The following LSM11 variants were observed in gnomAD, a reference collection of about 807,000 sequenced individuals.
The protein encoded by LSM11 is LSM11, U7 small nuclear RNA associated.
Under a neutral mutation model 28.1 loss-of-function variants are expected in LSM11, and 14 were observed. The ratio of observed to expected loss-of-function variants is 0.50; its 90% CI spans 0.33 to 0.78. The LOEUF is 0.78. LSM11 is among the 30% of genes least tolerant of loss of function. The pLI is 0.02. For missense variants in LSM11, 495 were observed against 510.6 expected, an observed-to-expected ratio of 0.97 and a Z score of 0.30; for synonymous variants, 207 against 214.2, an observed-to-expected ratio of 0.97 and a Z score of 0.30.
intron 1 of LSM11, among the ~76,000 whole-genome samples, chr5:157,749,594 A>G (rs1222590697): frequency 1.4e-5 from 2 of 138,314 alleles, no homozygotes; most frequent in African/African-American, 2.7e-5. Context: ...GCGCGCACAC[A>G]CACACACACA....
chr5:157,752,218 G>C (rs1424680861), intron 2 of LSM11, among the ~76,000 whole-genome samples: 11 of 149,898 alleles, frequency 7.3e-5, no homozygotes, highest in African/African-American at 2.7e-4. Context: ...CTGGAGTGCA[G>C]TGGCACAATC....
chr5:157,750,759 T>C (rs1410593285), intron 1 of LSM11, among the ~76,000 whole-genome samples: 1 of 152,198 alleles, frequency 6.6e-6, no homozygotes, highest in Non-Finnish European at 1.5e-5. Context: ...TGTTAATGTA[T>C]ACATTTAATG....
At chr5:157,752,535 CTA>C (rs1242194010) in intron 2 of LSM11, among the ~76,000 whole-genome samples, 2 of 151,848 alleles carry the variant, frequency 1.3e-5, no homozygotes, top group Non-Finnish European at 2.9e-5. Context: ...AATAGCACAA[CTA>C]TAATTTGAGG....
In LSM11 at chr5:157,744,152, G is replaced by A. The variant is rs1060459; in HGVS notation, c.402G>A (p.Pro134=). 4.2e-6 allele frequency: 6 copies of A among 1,435,772 alleles called. No homozygotes were observed. In the East Asian group the frequency reaches 1.5e-4, roughly 35 times the overall value. The allele number at this position is 1,435,772 out of a possible 1,614,324, so 88.9% of individuals were successfully genotyped here. Residue 134 remains proline (P), a synonymous_variant, in exon 1 of 4, where the codon CCG becomes CCA. Coordinates refer to ENST00000286307, the MANE Select transcript of LSM11 (RefSeq NM_173491.4). ...DGAAGAGRRG[P]GRSRKAPRNV... is the part of the protein sequence containing the mutation. ...CCGCAGGAGCGGGCCGGAGGGGTCC[G>A]GGTCGGAGCAGGAAGGCGCCACGCA...
intron 2 of LSM11, among the ~76,000 whole-genome samples, chr5:157,753,715 C>T (rs1404296966): frequency 6.6e-6 from 1 of 152,166 alleles, no homozygotes; most frequent in Non-Finnish European, 1.5e-5. Flanking sequence ...TTTTAATAAA[C>T]CTCCTAGATA....
Position 157,744,118 on chromosome 5 carries a change from G to A in LSM11, c.368G>A (p.Gly123Glu). The part of the protein sequence containing the change: ...LRRLMVAKEE[G>E]DGAAGAGRRG... ...CGTCTCATGGTGGCCAAAGAGGAAG[G>A]GGACGGGGCCGCAGGAGCGGGCCGG... Residue 123 changes from glycine (G) to glutamate (E), a missense_variant, in exon 1 of 4, where the codon GGG becomes GAG. Gly to Glu is a moderately conservative substitution (Grantham distance 98, BLOSUM62 -2). Coordinates refer to ENST00000286307, the MANE Select transcript of LSM11 (RefSeq NM_173491.4). The A allele has an allele frequency of 6.7e-7, 1 of 1,483,396 alleles. No homozygotes were observed. The highest frequency in any genetic ancestry group is 8.9e-7 in the Non-Finnish European group (1 of 1,121,870). The allele number at this position is 1,483,396 out of a possible 1,614,324, so 91.9% of individuals were successfully genotyped here. A position where few individuals can be genotyped will look rare whatever the true frequency, so the allele number is the denominator to read the frequency against.
In LSM11 at chr5:157,754,081, C is replaced by T. The variant is rs1011282558; in HGVS notation, c.666C>T (p.Leu222=). The change falls in exon 3 of 4, where the codon CTC becomes CTT. Residue 222 remains leucine, a synonymous_variant. Coordinates refer to ENST00000286307, the MANE Select transcript of LSM11 (RefSeq NM_173491.4). ...KAYERDSSLT[L]TRLFDRLKLQ... ...ATGAACGGGATTCTTCACTGACTCT[C>T]ACTAGGGTAGGCAGTTTTCCCCTGA... 1.9e-6 allele frequency: 3 copies of T among 1,569,238 alleles called. No homozygotes were observed. In the African/African-American group the frequency reaches 4.1e-5, roughly 22 times the overall value.
intron 1 of LSM11, among the ~76,000 whole-genome samples, chr5:157,746,971 A>C (rs1205349463): frequency 1.3e-5 from 2 of 152,228 alleles, no homozygotes; most frequent in African/African-American, 2.4e-5. Context: ...AAAGAAGAAA[A>C]AAAGCATAGG....
rs1761353668 is a variant in LSM11, at chr5:157,757,881, A to G, written c.*2617A>G. The stretch of plus-strand genomic sequence containing the variant: ...GTTTTTATGTTTACCTATAATTTTC[A>G]TATAGCCGTATAAGGATTGATTTAC... On this transcript the variant is annotated 3_prime_UTR_variant, in exon 4 of 4. Transcript: ENST00000286307. 1 of 152,198 alleles carries G rather than the reference A, an allele frequency of 6.6e-6. No individual in the cohort carries two copies. The highest frequency in any genetic ancestry group is 6.5e-5 in the Admixed American group (1 of 15,280). 9.4% of individuals were successfully genotyped at this position (152,198 alleles called of 1,614,324 possible).
chr5:157,755,862 A>G lies in LSM11; in HGVS notation c.*598A>G. The G allele has an allele frequency of 2.5e-6, 1 of 398,532 alleles. No homozygotes were observed. The highest frequency in any genetic ancestry group is 4.4e-6 in the Non-Finnish European group (1 of 226,608). 24.7% of individuals were successfully genotyped at this position (398,532 alleles called of 1,614,324 possible). A position where few individuals can be genotyped will look rare whatever the true frequency, so the allele number is the denominator to read the frequency against. ...AGGCGGTATGCTCAAAGCAGCCAGCAATGAGTGCTCTGTTTTGATCCTTCT... is the reference window on the plus strand; with the variant it reads ...AGGCGGTATGCTCAAAGCAGCCAGCGATGAGTGCTCTGTTTTGATCCTTCT... On this transcript the variant is annotated 3_prime_UTR_variant, in exon 4 of 4. Transcript: ENST00000286307.
In LSM11 at chr5:157,756,687, C is replaced by T. The variant is rs546366598; in HGVS notation, c.*1423C>T. The stretch of plus-strand genomic sequence containing the variant: ...ATGAAAAGGTGAGCAGACTTAACCC[C>T]TCCGTGCCTCAGCTTTTTCCCCACA... On this transcript the variant is annotated 3_prime_UTR_variant, in exon 4 of 4. Coordinates refer to ENST00000286307, the MANE Select transcript of LSM11 (RefSeq NM_173491.4). 3 of 152,658 alleles carry T rather than the reference C, an allele frequency of 2.0e-5. No homozygotes were observed. The highest frequency in any genetic ancestry group is 7.2e-5 in the African/African-American group (3 of 41,528). The allele number at this position is 152,658 out of a possible 1,614,324, so 9.5% of individuals were successfully genotyped here.
In LSM11 at chr5:157,751,399, G is replaced by A. The variant is rs773943100; in HGVS notation, c.458G>A (p.Gly153Asp). 6.3e-7 allele frequency: 1 copy of A among 1,591,624 alleles called. No individual in the cohort carries two copies. Reference protein sequence around the residue: ...NVLTRMPLHEGSPLGELHRCI... With the variant: ...NVLTRMPLHEDSPLGELHRCI... The stretch of plus-strand genomic sequence containing the variant: ...TCTTCTCTTGTTTCAGTGCACGAAG[G>A]CAGCCCTCTGGGTGAACTCCATCGC... The change falls in exon 2 of 4, where the codon GGC becomes GAC. Residue 153 changes from glycine (G) to aspartate (D), a missense_variant. Physicochemically the swap from Gly to Asp is moderately conservative, Grantham distance 94. Coordinates refer to ENST00000286307, the MANE Select transcript of LSM11 (RefSeq NM_173491.4).
intron 3 of LSM11, 89 bp from the exon 4 acceptor site, chr5:157,754,765 A>G: frequency 1.8e-6 from 2 of 1,130,290 alleles, no homozygotes; most frequent in Non-Finnish European, 2.5e-6. Context: ...CACAGAACAT[A>G]ATTAAAGAAT....
At chr5:157,746,720 G>A (rs1468332833) in intron 1 of LSM11, among the ~76,000 whole-genome samples, 2 of 152,140 alleles carry the variant, frequency 1.3e-5, no homozygotes, top group African/African-American at 4.8e-5. Context: ...GACCAGCCTG[G>A]CCAACGTGGT....
At chr5:157,752,779 G>A (rs907514544) in intron 2 of LSM11, among the ~76,000 whole-genome samples, 7 of 150,494 alleles carry the variant, frequency 4.7e-5, no homozygotes, top group African/African-American at 1.7e-4. Context: ...CTGGGAGGCG[G>A]AGGTTGCAGT....
At chr5:157,752,438 G>A (rs1761251491) in intron 2 of LSM11, among the ~76,000 whole-genome samples, 1 of 151,960 alleles carries the variant, frequency 6.6e-6, no homozygotes, top group African/African-American at 2.4e-5. Flanking sequence ...CCACATGGTG[G>A]TTTTATAATG....
At position 157,749,291 on chromosome 5, in the gene LSM11, C is replaced by T. The variant is rs192226460; in HGVS notation, c.449-2099C>T. ...AAGTTAGAAAAAAATAGTCTTTCCA[C>T]TCTTTGTATAAACATACATCATAGG... On this transcript the variant is annotated intron_variant, in intron 1 of 3. Coordinates refer to ENST00000286307, the MANE Select transcript of LSM11 (RefSeq NM_173491.4). 6.1e-4 allele frequency among the ~76,000 whole-genome samples: 93 copies of T among 152,240 alleles called. 1 individual carries two copies. Among genetic ancestry groups the T allele is most frequent in the African/African-American group, 2.0e-3 (85 of 41,542 alleles).
Position 157,755,450 on chromosome 5 carries a change from C to T in LSM11, c.*186C>T, listed in dbSNP as rs1397823202. ...GGAGGACAGGCCTTGGGAGGGCAGG[C>T]GTTTGCATTAATATCAAGGCAAAAA... On this transcript the variant is annotated 3_prime_UTR_variant, in exon 4 of 4. Coordinates refer to ENST00000286307, the MANE Select transcript of LSM11 (RefSeq NM_173491.4). The T allele has an allele frequency of 3.7e-5, 23 of 625,204 alleles. No individual in the cohort carries two copies. Among genetic ancestry groups the T allele is most frequent in the East Asian group, 2.2e-4 (8 of 35,906 alleles). The allele number at this position is 625,204 out of a possible 1,614,324, so 38.7% of individuals were successfully genotyped here. A position where few individuals can be genotyped will look rare whatever the true frequency, so the allele number is the denominator to read the frequency against.
chr5:157,755,972 C>A lies in LSM11; in HGVS notation c.*708C>A. 1 of 338,226 alleles carries A rather than the reference C, an allele frequency of 3.0e-6. No individual in the cohort carries two copies. Among genetic ancestry groups the A allele is most frequent in the Non-Finnish European group, 5.3e-6 (1 of 188,736 alleles). 21.0% of individuals were successfully genotyped at this position (338,226 alleles called of 1,614,324 possible). A position where few individuals can be genotyped will look rare whatever the true frequency, so the allele number is the denominator to read the frequency against. On this transcript the variant is annotated 3_prime_UTR_variant, in exon 4 of 4. Transcript: ENST00000286307. ...TGCAAATGGCATACCAGATGGGACT[C>A]TAAGATGCTTGTGTGGTGGCTTCTT... is the stretch of plus-strand genomic sequence containing the variant.
Sources: gnomAD v4.1 joint callset for allele counts (sites outside exome capture counted in the v4.1 genomes callset) on GRCh38, gnomAD v4.1.1 for gene constraint, MANE v1.5 for transcripts, NCBI Gene and HGNC (gene_info 2026-07-23, HGNC 2026-07-21) for gene names.